Variants in NUP54 observed in about 807,000 individuals in gnomAD.
NUP54 encodes the protein nucleoporin 54.
Under a neutral mutation model 66.4 loss-of-function variants are expected in NUP54, and 27 were observed. The ratio of observed to expected loss-of-function variants is 0.41; its 90% CI spans 0.30 to 0.56. The LOEUF (loss-of-function observed/expected upper bound fraction) is 0.56, where lower values mean the gene tolerates loss of function less well. Ranked by LOEUF, NUP54 falls within the 20% of genes least tolerant of loss-of-function variation. NUP54 has a pLI of 0.34. For synonymous variants in NUP54, 206 were observed against 210.7 expected, an observed-to-expected ratio of 0.98 and a Z score of 0.19; for missense variants, 486 against 596.3, an observed-to-expected ratio of 0.82 and a Z score of 1.93.
chr4:76,129,965 A>AGTT (rs1730722616), intron 8 of NUP54, among the ~76,000 whole-genome samples: 5 of 112,708 alleles, frequency 4.4e-5, no homozygotes, highest in Non-Finnish European at 5.5e-5. Context: ...TAATTATGAA[A>AGTT]GTTTTTTTTT....
At chr4:76,115,599 T>C in intron 11 of NUP54, 105 bp from the exon 12 acceptor site, 1 of 770,576 alleles carries the variant, frequency 1.3e-6, no homozygotes, top group Non-Finnish European at 2.0e-6. Context: ...AGCAACACAG[T>C]ACCTAGTAAG....
chr4:76,115,173 G>A lies in NUP54; in HGVS notation c.*193C>T, dbSNP rs928601090. 1 of 432,618 alleles carries A rather than the reference G, an allele frequency of 2.3e-6. No homozygotes were observed. The highest frequency in any genetic ancestry group is 2.0e-5 in the African/African-American group (1 of 48,804). The allele number at this position is 432,618 out of a possible 1,614,324, so 26.8% of individuals were successfully genotyped here. ...AGCTTTTAGATATAAATCTTTCAAA[G>A]GTTTTCTTTGAAGAGCTGTGAGGTG... On this transcript the variant is annotated 3_prime_UTR_variant, in exon 12 of 12. Coordinates refer to ENST00000264883, the MANE Select transcript of NUP54 (RefSeq NM_017426.4).
intron 1 of NUP54, chr4:76,145,951 A>G: frequency 3.4e-6 from 1 of 291,420 alleles, no homozygotes; most frequent in South Asian, 3.2e-5. Flanking sequence ...GCAGTACTGC[A>G]AACTATAAAC....
At chr4:76,120,524 G>A (rs1730188338) in intron 9 of NUP54, among the ~76,000 whole-genome samples, 1 of 150,658 alleles carries the variant, frequency 6.6e-6, no homozygotes, top group Non-Finnish European at 1.5e-5. Flanking sequence ...CCACCTCCCA[G>A]GTTCAAGCAA....
chr4:76,141,966 T>C (rs1731285013), intron 3 of NUP54, among the ~76,000 whole-genome samples: 1 of 152,210 alleles, frequency 6.6e-6, no homozygotes, highest in Admixed American at 6.5e-5. Context: ...TTATTTCCTC[T>C]GCGTGGATAC....
intron 10 of NUP54, 32 bp from the exon 11 acceptor site, chr4:76,117,806 G>A: frequency 6.6e-7 from 1 of 1,504,264 alleles, no homozygotes; most frequent in Non-Finnish European, 9.2e-7. Context: ...AATTACAACT[G>A]CCGACGAAGA....
At chr4:76,145,147 T>A (rs1369454478) in intron 1 of NUP54, among the ~76,000 whole-genome samples, 1 of 151,610 alleles carries the variant, frequency 6.6e-6, no homozygotes, top group Non-Finnish European at 1.5e-5. Context: ...TGAAACCCCG[T>A]GTCTACTAAA....
chr4:76,145,120 C>T (rs1731431864), intron 1 of NUP54, among the ~76,000 whole-genome samples: 1 of 151,720 alleles, frequency 6.6e-6, no homozygotes, highest in South Asian at 2.1e-4. Context: ...AGATCGAGAC[C>T]ATCCTGGCTA....
intron 11 of NUP54, among the ~76,000 whole-genome samples, chr4:76,115,885 G>A (rs1729929968): frequency 6.6e-6 from 1 of 152,180 alleles, no homozygotes; most frequent in African/African-American, 2.4e-5. Context: ...AAAGTACATA[G>A]TGATAATGGT....
chr4:76,115,596 CAGTACCTAGTAAGTGCTCTAA>C, intron 11 of NUP54, 102 bp from the exon 12 acceptor site: 1 of 791,626 alleles, frequency 1.3e-6, no homozygotes, highest in Non-Finnish European at 1.9e-6. Flanking sequence ...ACTAGCAACA[CAGTACCTAGTAAGTGCTCTAA>C]ATATAGAGGG....
intron 11 of NUP54, among the ~76,000 whole-genome samples, 169 bp downstream of exon 11, chr4:76,117,493 TAC>T (rs1471685609): frequency 6.6e-6 from 1 of 152,200 alleles, no homozygotes; most frequent in Non-Finnish European, 1.5e-5. Flanking sequence ...GAGTAAACAC[TAC>T]ACTGTTTTCC....
chr4:76,121,572 C>T (rs1022766578), intron 9 of NUP54, among the ~76,000 whole-genome samples: 1 of 152,198 alleles, frequency 6.6e-6, no homozygotes, highest in African/African-American at 2.4e-5. Context: ...TCAGGTGCTT[C>T]TCCTGCCTCA....
intron 9 of NUP54, among the ~76,000 whole-genome samples, chr4:76,122,437 T>A (rs899114556): frequency 4.6e-5 from 7 of 152,202 alleles, no homozygotes; most frequent in African/African-American, 1.7e-4. Context: ...TCATCTACAG[T>A]CCCTGGCAAC....
At chr4:76,127,039 A>G (rs1029618981) in intron 8 of NUP54, among the ~76,000 whole-genome samples, 20 of 152,202 alleles carry the variant, frequency 1.3e-4, no homozygotes, top group African/African-American at 4.8e-4. Context: ...CCAATGAAAC[A>G]TAAGAGAGGG....
chr4:76,127,048 G>A (rs1351794564), intron 8 of NUP54, among the ~76,000 whole-genome samples: 1 of 151,606 alleles, frequency 6.6e-6, no homozygotes, highest in African/African-American at 2.4e-5. Flanking sequence ...CATAAGAGAG[G>A]GTCTAGAAAT....
At position 76,117,983 on chromosome 4, in the gene NUP54, G is replaced by A. The variant is rs187341694; in HGVS notation, c.1284+92C>T. 19 of 1,308,868 alleles carry A rather than the reference G, an allele frequency of 1.5e-5. No homozygotes were observed. In the Admixed American group the frequency reaches 3.0e-4, roughly 21 times the overall value. 81.1% of individuals were successfully genotyped at this position (1,308,868 alleles called of 1,614,324 possible). A position where few individuals can be genotyped will look rare whatever the true frequency, so the allele number is the denominator to read the frequency against. On this transcript the variant is annotated intron_variant, in intron 10 of 11. Transcript: ENST00000264883. ...TTCTAATTGGAGATAAGAAACACAA[G>A]TATACAAAATTCCTGCTTGAAGATT...
In NUP54 at chr4:76,124,661, A is replaced by G. The variant is rs751358440; in HGVS notation, c.1152T>C (p.His384=). 9.1e-6 allele frequency: 14 copies of G among 1,541,938 alleles called. No individual in the cohort carries two copies. The highest frequency in any genetic ancestry group is 2.8e-5 in the African/African-American group (2 of 72,634). ...QYKRKLMDLS[H]RTLQVLIKQE... is the part of the protein sequence containing the mutation. Reference sequence around the variant, plus strand: ...TCCAAATTACTACCTGTAAAGTTCTATGGGAAAGATCCATGAGTTTCCTCT... The same window carrying G: ...TCCAAATTACTACCTGTAAAGTTCTGTGGGAAAGATCCATGAGTTTCCTCT... Residue 384 remains histidine, a synonymous_variant, in exon 9 of 12, where the codon CAT becomes CAC. Transcript: ENST00000264883.
intron 3 of NUP54, among the ~76,000 whole-genome samples, chr4:76,139,327 C>T (rs1255153370): frequency 6.6e-6 from 1 of 152,174 alleles, no homozygotes. Flanking sequence ...CTCAACGTGA[C>T]GTGATATGAA....
chr4:76,119,969 A>G (rs1411989778), intron 9 of NUP54, among the ~76,000 whole-genome samples: 1 of 152,152 alleles, frequency 6.6e-6, no homozygotes, highest in Non-Finnish European at 1.5e-5. Flanking sequence ...AAATAATTTT[A>G]TTATCAAAAT....
Sources: allele counts gnomAD v4.1 joint callset (sites outside exome capture counted in the v4.1 genomes callset), GRCh38; gene constraint gnomAD v4.1.1; transcripts MANE v1.5; gene names NCBI Gene and HGNC (gene_info 2026-07-23, HGNC 2026-07-21).